PRDM2: variants seen among roughly 807,000 people sequenced by gnomAD.
The protein encoded by PRDM2 is PR domain zinc finger protein 2.
PRDM2 carries 30 observed loss-of-function variants against 130.0 expected under a neutral mutation model. The ratio of observed to expected loss-of-function variants is 0.23; its 90% CI spans 0.17 to 0.31. The LOEUF is 0.31. Ranked by LOEUF, PRDM2 falls within the 10% of genes least tolerant of loss-of-function variation. PRDM2 has a pLI of 1.00. For missense variants in PRDM2, 2,011 were observed against 2,108.4 expected (o/e 0.95, Z 0.90); for synonymous variants, 871 against 782.4 (o/e 1.11, Z -1.89).
chr1:13,720,615 A>C (rs1378282605), intron 2 of PRDM2, among the ~76,000 whole-genome samples: 1 of 152,212 alleles, frequency 6.6e-6, no homozygotes, highest in African/African-American at 2.4e-5. Flanking sequence ...TTACTGGTTG[A>C]AAATAATAAT....
At chr1:13,752,519 A>C (rs1388294020) in intron 6 of PRDM2, among the ~76,000 whole-genome samples, 1 of 152,226 alleles carries the variant, frequency 6.6e-6, no homozygotes, top group Non-Finnish European at 1.5e-5. Flanking sequence ...AGAAACGGTC[A>C]AATTTAGAAG....
chr1:13,730,063 TA>T (rs1238376601), intron 2 of PRDM2, among the ~76,000 whole-genome samples: 1 of 152,182 alleles, frequency 6.6e-6, no homozygotes, highest in African/African-American at 2.4e-5. Flanking sequence ...TTGGTTCATT[TA>T]AAAGTCCTGG....
At chr1:13,756,245 A>T (rs1643948820) in intron 6 of PRDM2, among the ~76,000 whole-genome samples, 1 of 150,958 alleles carries the variant, frequency 6.6e-6, no homozygotes, top group Admixed American at 6.6e-5. Context: ...CCTGGGCAAC[A>T]GAGCGAGACT....
At chr1:13,702,987 C>T (rs1642112558) in intron 1 of PRDM2, among the ~76,000 whole-genome samples, 1 of 152,180 alleles carries the variant, frequency 6.6e-6, no homozygotes, top group Admixed American at 6.5e-5. Flanking sequence ...AACTGCCGCC[C>T]TGTGTCTAGG....
At chr1:13,789,163 C>T (rs536577667) in intron 8 of PRDM2, among the ~76,000 whole-genome samples, 1 of 152,276 alleles carries the variant, frequency 6.6e-6, no homozygotes, top group South Asian at 2.1e-4. Flanking sequence ...GGAGAAGCTG[C>T]CCTGTTTGGG....
intron 6 of PRDM2, among the ~76,000 whole-genome samples, chr1:13,758,446 CA>C (rs373553025): frequency 0.17 from 12,203 of 73,854 alleles, 610 homozygotes; most frequent in African/African-American, 0.28. Flanking sequence ...GACTTTGTCT[CA>C]AAAAAAAAAA....
At position 13,773,148 on chromosome 1, in the gene PRDM2, G is replaced by T; in HGVS notation, c.582G>T (p.Glu194Asp). ...KIQDIQLKTS[E>D]PDFTSANMRD... ...AAGACATACAACTGAAGACAAGTGA[G>T]CCAGATTTCACCTCTGCAAATATGA... Residue 194 changes from glutamate (E) to aspartate (D), a missense_variant, in exon 7 of 10, where the codon GAG (glutamate) becomes GAT (aspartate). By Grantham distance (45) the Glu-to-Asp change is conservative. Around this residue, in one of 5 missense-constraint regions of PRDM2, gnomAD observed 1,288 missense variants for 1,237.7 expected, o/e 1.04. Coordinates refer to ENST00000311066, the MANE Select transcript of PRDM2 (RefSeq NM_001393986.1). 1 of 1,575,454 alleles carries T rather than the reference G, an allele frequency of 6.3e-7. No individual in the cohort carries two copies. The highest frequency in any genetic ancestry group is 8.6e-7 in the Non-Finnish European group (1 of 1,165,268).
chr1:13,709,017 T>C (rs1414966879), intron 1 of PRDM2, among the ~76,000 whole-genome samples: 1 of 152,218 alleles, frequency 6.6e-6, no homozygotes, highest in African/African-American at 2.4e-5. Context: ...TCTTGTGAAA[T>C]TGTATTATTT....
chr1:13,704,812 CTTG>C (rs778166092), intron 1 of PRDM2: 1 of 152,268 alleles, frequency 6.6e-6, no homozygotes, highest in African/African-American at 2.4e-5. Flanking sequence ...TGCCCAAGAC[CTTG>C]TTAAGAGAAT....
Position 13,781,364 on chromosome 1 carries a change from T to G in PRDM2, c.3569T>G (p.Ile1190Ser). 1 of 1,614,142 alleles carries G rather than the reference T, an allele frequency of 6.2e-7. No individual in the cohort carries two copies. ...TTTTTGCTTCATGGAGTTGGGAATATCTTTGTGTGTTCTGTTTGTAAAAAA... is the reference window on the plus strand; with the variant it reads ...TTTTTGCTTCATGGAGTTGGGAATAGCTTTGTGTGTTCTGTTTGTAAAAAA... ...HRFLLHGVGN[I>S]FVCSVCKKEF... Residue 1190 changes from isoleucine to serine, a missense_variant, in exon 8 of 10, where the codon ATC becomes AGC. Physicochemically the swap from Ile to Ser is moderately radical, Grantham distance 142 (BLOSUM62 -2). This residue lies in a region of PRDM2 where 229 missense variants were observed against 364.1 expected (regional missense o/e 0.63). Coordinates refer to ENST00000311066, the MANE Select transcript of PRDM2 (RefSeq NM_001393986.1). The surrounding 1 kb of genome is among the most constrained non-coding windows in gnomAD (Gnocchi z 6.1).
At chr1:13,748,938 G>A (rs1355392695) in intron 5 of PRDM2, among the ~76,000 whole-genome samples, 2 of 152,162 alleles carry the variant, frequency 1.3e-5, no homozygotes, top group African/African-American at 4.8e-5. Flanking sequence ...TGGAACGCGC[G>A]CTAGTCGTTG....
Position 13,781,367 on chromosome 1 carries a change from TTGTG to T in PRDM2, c.3576_3579del (p.Cys1193LeufsTer36). 6.2e-7 allele frequency: 1 copy of T among 1,614,160 alleles called. No homozygotes were observed. The highest frequency in any genetic ancestry group is 8.5e-7 in the Non-Finnish European group (1 of 1,180,018). On this transcript the variant is annotated frameshift_variant, in exon 8 of 10. Coordinates refer to ENST00000311066, the MANE Select transcript of PRDM2 (RefSeq NM_001393986.1). LOFTEE classifies it high-confidence loss of function. The surrounding 1 kb of genome is among the most constrained non-coding windows in gnomAD (Gnocchi z 6.1). ...TTGCTTCATGGAGTTGGGAATATCTTTGTGTGTTCTGTTTGTAAAAAAGAATTTG... is the reference window on the plus strand; with the variant it reads ...TTGCTTCATGGAGTTGGGAATATCTTTGTTCTGTTTGTAAAAAAGAATTTG...
chr1:13,745,279 G>C (rs1202611796), intron 5 of PRDM2, among the ~76,000 whole-genome samples: 1 of 152,168 alleles, frequency 6.6e-6, no homozygotes, highest in African/African-American at 2.4e-5. Context: ...TGTCTCCAGT[G>C]AGTCAGGGAA....
At chr1:13,724,518 G>GACAGGCTC in intron 2 of PRDM2, among the ~76,000 whole-genome samples, 1 of 129,290 alleles carries the variant, frequency 7.7e-6, no homozygotes, top group East Asian at 2.5e-4. Context: ...TTTTTTTTGA[G>GACAGGCTC]ACAGGCTCAC....
intron 6 of PRDM2, among the ~76,000 whole-genome samples, chr1:13,758,265 A>G (rs1174966700): frequency 6.6e-6 from 1 of 151,828 alleles, no homozygotes; most frequent in Non-Finnish European, 1.5e-5. Flanking sequence ...ACAACATGGT[A>G]AAACCCCGTC....
Position 13,823,198 on chromosome 1 carries a change from G to A in PRDM2, c.*63G>A, listed in dbSNP as rs780908549. On this transcript the variant is annotated 3_prime_UTR_variant, in exon 10 of 10. Transcript: ENST00000311066. ...TGGAATCAGTGAAGCCAAAGGGACT[G>A]GCAGTCTGCCCTGCAGGGAGTACCG... 1.2e-6 allele frequency: 2 copies of A among 1,613,234 alleles called. No homozygotes were observed. The highest frequency in any genetic ancestry group is 1.3e-5 in the African/African-American group (1 of 74,928).
chr1:13,784,559 C>G (rs1280029488), intron 8 of PRDM2, among the ~76,000 whole-genome samples: 1 of 152,096 alleles, frequency 6.6e-6, no homozygotes, highest in African/African-American at 2.4e-5. Context: ...TCAGAGTGAC[C>G]ATAAATTTAT....
chr1:13,763,247 C>G (rs528997522), intron 6 of PRDM2, among the ~76,000 whole-genome samples: 165 of 152,096 alleles, frequency 1.1e-3, no homozygotes, highest in African/African-American at 3.9e-3. Flanking sequence ...GGTATAAGAA[C>G]CAAGTGCGGT....
chr1:13,823,261 G>A lies in PRDM2; in HGVS notation c.*126G>A. 1.3e-6 allele frequency: 2 copies of A among 1,508,590 alleles called. No individual in the cohort carries two copies. Among genetic ancestry groups the A allele is most frequent in the Non-Finnish European group, 1.8e-6 (2 of 1,088,608 alleles). 93.5% of individuals were successfully genotyped at this position (1,508,590 alleles called of 1,614,324 possible). ...TGTGTGAGGCTGCGAGAGAAAGGGA[G>A]TGCATGTGCGCGCGTGCATGTGTGC... is the stretch of plus-strand genomic sequence containing the variant. On this transcript the variant is annotated 3_prime_UTR_variant, in exon 10 of 10. Coordinates refer to ENST00000311066, the MANE Select transcript of PRDM2 (RefSeq NM_001393986.1).
Sources: gnomAD v4.1 joint callset for allele counts (sites outside exome capture counted in the v4.1 genomes callset) on GRCh38, gnomAD v4.1.1 for gene constraint, gnomAD v4.1.1 regional missense constraint, Gnocchi (gnomAD v3.1) non-coding constraint, MANE v1.5 for transcripts, NCBI Gene and HGNC (gene_info 2026-07-23, HGNC 2026-07-21) for gene names.